XKR4: variants seen among roughly 807,000 people sequenced by gnomAD.
XKR4 encodes the protein XK related 4.
XKR4 carries 12 observed loss-of-function variants against 53.9 expected under a neutral mutation model. The ratio of observed to expected loss-of-function variants is 0.22; its 90% CI spans 0.14 to 0.36. XKR4 has a LOEUF of 0.36. Among genes scored for constraint, XKR4 ranks in the 10% least tolerant of loss-of-function variants. The pLI is 1.00. For synonymous variants in XKR4, 354 were observed against 362.4 expected (o/e 0.98, Z 0.26); for missense variants, 799 against 859.5 (o/e 0.93, Z 0.88).
At chr8:55,154,276 TTTAAG>T (rs765494631) in intron 1 of XKR4, among the ~76,000 whole-genome samples, 1 of 152,174 alleles carries the variant, frequency 6.6e-6, no homozygotes, top group Non-Finnish European at 1.5e-5. Context: ...TATATGACAA[TTTAAG>T]TTATAGTTTT....
At chr8:55,478,814 T>C (rs1318098903) in intron 2 of XKR4, among the ~76,000 whole-genome samples, 20 of 152,086 alleles carry the variant, frequency 1.3e-4, no homozygotes, top group Non-Finnish European at 2.8e-4. Flanking sequence ...GGCCATTACA[T>C]AATGGTAAAG....
intron 1 of XKR4, among the ~76,000 whole-genome samples, chr8:55,112,562 G>GTTTTTTTTTTTTT (rs761779642): frequency 5.2e-5 from 4 of 77,216 alleles, no homozygotes; most frequent in East Asian, 4.8e-4. Flanking sequence ...TACTTTTCAG[G>GTTTTTTTTTTTTT]TTTTTTTTTT....
intron 1 of XKR4, among the ~76,000 whole-genome samples, chr8:55,208,132 T>G (rs1374566720): frequency 1.3e-5 from 2 of 152,224 alleles, no homozygotes; most frequent in African/African-American, 4.8e-5. Flanking sequence ...GTCAAATAAT[T>G]AACATATTCT....
chr8:55,515,945 A>G (rs187787573), intron 2 of XKR4, among the ~76,000 whole-genome samples: 7 of 152,232 alleles, frequency 4.6e-5, no homozygotes, highest in East Asian at 1.9e-4. Context: ...GGTGAAGGTA[A>G]CCATACCAAT....
chr8:55,299,772 T>G (rs1819156485), intron 1 of XKR4, among the ~76,000 whole-genome samples: 1 of 152,086 alleles, frequency 6.6e-6, no homozygotes, highest in Admixed American at 6.5e-5. Flanking sequence ...CCTCTAAGGC[T>G]GGAGGTGGGA....
At chr8:55,132,813 A>G (rs1406958246) in intron 1 of XKR4, among the ~76,000 whole-genome samples, 1 of 152,160 alleles carries the variant, frequency 6.6e-6, no homozygotes, top group African/African-American at 2.4e-5. Context: ...ATTCTACTAA[A>G]AGGAATGGGC....
chr8:55,120,581 G>A (rs188959564), intron 1 of XKR4, among the ~76,000 whole-genome samples: 89 of 151,794 alleles, frequency 5.9e-4, no homozygotes, highest in African/African-American at 2.1e-3. Flanking sequence ...GGAAGTTTTC[G>A]GTTTACAGAA....
At chr8:55,175,010 C>G (rs1171871395) in intron 1 of XKR4, among the ~76,000 whole-genome samples, 1 of 152,142 alleles carries the variant, frequency 6.6e-6, no homozygotes, top group African/African-American at 2.4e-5. Context: ...GAAAGGAATT[C>G]CACTGGTAGA....
chr8:55,252,262 A>C (rs1335195307), intron 1 of XKR4, among the ~76,000 whole-genome samples: 1 of 152,242 alleles, frequency 6.6e-6, no homozygotes, highest in African/African-American at 2.4e-5. Flanking sequence ...TCTTCATTTC[A>C]GTTAGATTCT....
chr8:55,157,598 G>A (rs1250196331), intron 1 of XKR4, among the ~76,000 whole-genome samples: 1 of 152,072 alleles, frequency 6.6e-6, no homozygotes, highest in Non-Finnish European at 1.5e-5. Flanking sequence ...TGGGGGTTGG[G>A]TATACAGATT....
chr8:55,375,747 CA>C (rs2129386731), intron 2 of XKR4, among the ~76,000 whole-genome samples: 1 of 150,776 alleles, frequency 6.6e-6, no homozygotes, highest in East Asian at 1.9e-4. Flanking sequence ...TTTTAAGTTC[CA>C]GGGTACACGT....
intron 2 of XKR4, among the ~76,000 whole-genome samples, chr8:55,410,327 A>G (rs1563343381): frequency 6.6e-6 from 1 of 152,106 alleles, no homozygotes; most frequent in Non-Finnish European, 1.5e-5. Context: ...GCATGTCTGC[A>G]TGCTTGGACT....
At chr8:55,408,880 G>A (rs540738062) in intron 2 of XKR4, among the ~76,000 whole-genome samples, 2 of 151,910 alleles carry the variant, frequency 1.3e-5, no homozygotes, top group African/African-American at 2.4e-5. Context: ...GGTGGCGTGC[G>A]CCTGTAGTCC....
At chr8:55,133,497 T>C (rs749899678) in intron 1 of XKR4, among the ~76,000 whole-genome samples, 6 of 152,240 alleles carry the variant, frequency 3.9e-5, no homozygotes, top group Non-Finnish European at 8.8e-5. Context: ...TGGATTAGGA[T>C]GAAATGCTGC....
intron 1 of XKR4, among the ~76,000 whole-genome samples, chr8:55,292,679 T>G (rs1477431397): frequency 6.6e-6 from 1 of 152,160 alleles, no homozygotes; most frequent in Non-Finnish European, 1.5e-5. Context: ...CTACTTGCTT[T>G]GAATTCATTT....
intron 2 of XKR4, among the ~76,000 whole-genome samples, chr8:55,382,534 C>G (rs1804250875): frequency 6.6e-6 from 1 of 151,996 alleles, no homozygotes; most frequent in Non-Finnish European, 1.5e-5. Context: ...AGTGGAACTA[C>G]TAAAGGAAGG....
intron 2 of XKR4, among the ~76,000 whole-genome samples, chr8:55,408,164 C>T (rs1417508086): frequency 2.0e-5 from 3 of 152,180 alleles, no homozygotes; most frequent in Non-Finnish European, 2.9e-5. Context: ...TGAGAGGTTA[C>T]AGAAGAGCCT....
intron 1 of XKR4, among the ~76,000 whole-genome samples, chr8:55,283,329 G>A (rs1275300332): frequency 6.6e-6 from 1 of 152,192 alleles, no homozygotes; most frequent in African/African-American, 2.4e-5. Flanking sequence ...GACATAGACT[G>A]AGAAGGCCCA....
At chr8:55,312,195 T>C (rs1176277736) in intron 1 of XKR4, among the ~76,000 whole-genome samples, 1 of 152,112 alleles carries the variant, frequency 6.6e-6, no homozygotes, top group Non-Finnish European at 1.5e-5. Context: ...TGTTTTTTTT[T>C]TTAATGAGAA....
Sources: allele counts gnomAD v4.1 joint callset (sites outside exome capture counted in the v4.1 genomes callset), GRCh38; gene constraint gnomAD v4.1.1; transcripts MANE v1.5; gene names NCBI Gene and HGNC (gene_info 2026-07-23, HGNC 2026-07-21).